The following XNDC1N variants were observed in gnomAD, a reference collection of about 807,000 sequenced individuals.
XNDC1N encodes the protein XRCC1 N-terminal domain containing 1, N-terminal like, also known as protein XNDC1N.
the XNDC1N span, among the ~76,000 whole-genome samples, chr11:71,882,605 C>T: frequency 1.3e-5 from 2 of 152,158 alleles, no homozygotes; most frequent in Admixed American, 1.3e-4. Context: ...AGTAGTCCTA[C>T]CTTACAATAA....
the XNDC1N span, among the ~76,000 whole-genome samples, chr11:71,898,591 A>G: frequency 6.6e-6 from 1 of 152,190 alleles, no homozygotes; most frequent in Admixed American, 6.5e-5. Context: ...GGGGTGACAG[A>G]GAAAGACTCT....
At chr11:71,889,436 A>G in the XNDC1N span, among the ~76,000 whole-genome samples, 1 of 152,170 alleles carries the variant, frequency 6.6e-6, no homozygotes, top group Non-Finnish European at 1.5e-5. Context: ...GGCTCCCTCA[A>G]GCACCTGATC....
chr11:71,923,464 C>T, the XNDC1N span: 2 of 663,378 alleles, frequency 3.0e-6, no homozygotes, highest in East Asian at 2.7e-5. Context: ...AGCAAGAATC[C>T]TCACATTACT....
At chr11:71,917,604 GC>G in the XNDC1N span, 1 of 703,624 alleles carries the variant, frequency 1.4e-6, no homozygotes, top group South Asian at 1.5e-5. Flanking sequence ...CATCTTTTCT[GC>G]TTTTGCCCTC....
the XNDC1N span, among the ~76,000 whole-genome samples, chr11:71,874,256 G>T: frequency 2.0e-5 from 3 of 152,206 alleles, no homozygotes; most frequent in Admixed American, 6.5e-5. Context: ...GGAAGCAGAG[G>T]TTGCAGTGAG....
At chr11:71,874,037 G>C in the XNDC1N span, among the ~76,000 whole-genome samples, 9,206 of 152,152 alleles carry the variant, frequency 0.061, 438 homozygotes, top group East Asian at 0.15. Flanking sequence ...ATTTTAGGCC[G>C]GGCCCAGTGG....
the XNDC1N span, among the ~76,000 whole-genome samples, chr11:71,911,717 A>G: frequency 3.3e-5 from 5 of 152,340 alleles, no homozygotes; most frequent in African/African-American, 1.2e-4. Context: ...AAAGGCACAA[A>G]ATATCAACAG....
the XNDC1N span, among the ~76,000 whole-genome samples, chr11:71,898,277 G>A: frequency 6.6e-6 from 1 of 151,458 alleles, no homozygotes; most frequent in Non-Finnish European, 1.5e-5. Context: ...GATGAACCTT[G>A]AAGACATTAT....
chr11:71,889,195 C>A, the XNDC1N span, among the ~76,000 whole-genome samples: 2 of 152,166 alleles, frequency 1.3e-5, no homozygotes, highest in Non-Finnish European at 2.9e-5. Context: ...CTTTTCAACC[C>A]TTCAAGTTCA....
chr11:71,920,641 TA>T, the XNDC1N span, among the ~76,000 whole-genome samples: 3 of 152,192 alleles, frequency 2.0e-5, no homozygotes, highest in African/African-American at 7.2e-5. Context: ...TCTTTATAGT[TA>T]TTCTGTGGGA....
the XNDC1N span, chr11:71,923,252 T>A: frequency 5.7e-6 from 4 of 700,796 alleles, no homozygotes; most frequent in South Asian, 3.0e-5. Flanking sequence ...AAGACTCCTA[T>A]TTTTTTCACT....
chr11:71,872,587 G>C, the XNDC1N span, among the ~76,000 whole-genome samples: 1 of 152,028 alleles, frequency 6.6e-6, no homozygotes, highest in Non-Finnish European at 1.5e-5. Flanking sequence ...AAATAGCTGG[G>C]CGTGGTGGCG....
At chr11:71,905,361 C>T in the XNDC1N span, among the ~76,000 whole-genome samples, 3 of 151,834 alleles carry the variant, frequency 2.0e-5, no homozygotes, top group African/African-American at 4.8e-5. Flanking sequence ...GTAACCCCTT[C>T]CTAGGATATT....
the XNDC1N span, among the ~76,000 whole-genome samples, chr11:71,882,454 C>A: frequency 2.6e-5 from 4 of 152,148 alleles, no homozygotes; most frequent in Non-Finnish European, 5.9e-5. Context: ...TGGTCTTGAA[C>A]CCCTGACCCC....
chr11:71,923,514 C>T, the XNDC1N span: 2 of 610,728 alleles, frequency 3.3e-6, no homozygotes, highest in Non-Finnish European at 5.8e-6. Context: ...CTAGCCATGG[C>T]TGTGGTAACA....
chr11:71,869,272 A>G, the XNDC1N span, among the ~76,000 whole-genome samples: 3 of 151,536 alleles, frequency 2.0e-5, no homozygotes, highest in South Asian at 2.1e-4. Context: ...TCATTGTTCA[A>G]TTCCCACCTA....
the XNDC1N span, chr11:71,865,685 A>C: frequency 8.0e-6 from 2 of 249,412 alleles, no homozygotes; most frequent in Non-Finnish European, 1.6e-5. Flanking sequence ...TTGGCCATTT[A>C]ATAAAGAAGT....
At chr11:71,878,721 A>G in the XNDC1N span, among the ~76,000 whole-genome samples, 2 of 152,138 alleles carry the variant, frequency 1.3e-5, no homozygotes, top group African/African-American at 4.8e-5. Context: ...GAGGCCAGGC[A>G]CAGTGGCTCA....
At chr11:71,870,366 G>A in the XNDC1N span, among the ~76,000 whole-genome samples, 6 of 152,106 alleles carry the variant, frequency 3.9e-5, no homozygotes, top group African/African-American at 1.4e-4. Flanking sequence ...ATTACTCCGG[G>A]GCTGTGTGCC....
Sources: allele counts gnomAD v4.1 joint callset (sites outside exome capture counted in the v4.1 genomes callset), GRCh38; gene constraint gnomAD v4.1.1; transcripts MANE v1.5; gene names NCBI Gene and HGNC (gene_info 2026-07-23, HGNC 2026-07-21).